SLC9C2: variants seen among roughly 807,000 people sequenced by gnomAD.
SLC9C2 encodes the protein solute carrier family 9 member C2 (putative).
SLC9C2 carries 75 observed loss-of-function variants against 140.2 expected under a neutral mutation model. The observed-to-expected ratio is 0.53, with a 90% CI of 0.44 to 0.65. The LOEUF is 0.65. SLC9C2 is among the 30% of genes least tolerant of loss of function. SLC9C2 has a pLI of 0.00. For missense variants in SLC9C2, 1,074 were observed against 1,331.8 expected, an observed-to-expected ratio of 0.81 and a Z score of 3.01; for synonymous variants, 375 against 420.9, an observed-to-expected ratio of 0.89 and a Z score of 1.34.
intron 22 of SLC9C2, among the ~76,000 whole-genome samples, chr1:173,517,986 C>G (rs1290879725): frequency 6.6e-6 from 1 of 152,184 alleles, no homozygotes; most frequent in Non-Finnish European, 1.5e-5. Flanking sequence ...CAGGGCTGGG[C>G]GCAGTGGCTC....
intron 8 of SLC9C2, among the ~76,000 whole-genome samples, chr1:173,576,053 CT>C (rs1262802516): frequency 6.6e-6 from 1 of 152,144 alleles, no homozygotes; most frequent in East Asian, 1.9e-4. Flanking sequence ...AGGATTACGG[CT>C]TATTTTTCTC....
At chr1:173,575,034 C>T (rs909827065) in intron 8 of SLC9C2, among the ~76,000 whole-genome samples, 2 of 151,930 alleles carry the variant, frequency 1.3e-5, no homozygotes, top group African/African-American at 2.4e-5. Context: ...GTGGGAGGAT[C>T]GCTTGAGCCC....
chr1:173,525,614 T>C (rs920272303), intron 19 of SLC9C2, among the ~76,000 whole-genome samples: 11 of 152,226 alleles, frequency 7.2e-5, no homozygotes, highest in Non-Finnish European at 1.3e-4. Flanking sequence ...TCTGTAATAA[T>C]AGTATTTGCC....
intron 7 of SLC9C2, 123 bp downstream of exon 7, chr1:173,581,724 T>G (rs1457353143): frequency 2.9e-6 from 2 of 691,164 alleles, no homozygotes; most frequent in Non-Finnish European, 4.4e-6. Context: ...TAAAATAATA[T>G]GACAGGACAC....
intron 4 of SLC9C2, among the ~76,000 whole-genome samples, chr1:173,591,658 G>C (rs1450606765): frequency 6.6e-6 from 1 of 152,036 alleles, no homozygotes; most frequent in Non-Finnish European, 1.5e-5. Flanking sequence ...ATGCTCGTTG[G>C]CTGCAAGTAT....
chr1:173,570,294 C>T (rs1558076687), intron 9 of SLC9C2, among the ~76,000 whole-genome samples: 4 of 152,250 alleles, frequency 2.6e-5, no homozygotes, highest in Non-Finnish European at 5.9e-5. Flanking sequence ...GGGTCCTTCC[C>T]TTCAAGACAG....
At chr1:173,563,666 G>A (rs12027862) in intron 9 of SLC9C2, among the ~76,000 whole-genome samples, 35,019 of 151,998 alleles carry the variant, frequency 0.23, 5,276 homozygotes, top group East Asian at 0.63. Flanking sequence ...ATGCTAAATC[G>A]GGTATCTATG....
At chr1:173,583,387 A>G in intron 6 of SLC9C2, 119 bp downstream of exon 6, 1 of 546,124 alleles carries the variant, frequency 1.8e-6, no homozygotes, top group Non-Finnish European at 3.3e-6. Flanking sequence ...TACTTCATAT[A>G]TCATTGTAAT....
In SLC9C2 at chr1:173,547,732, G is replaced by C. The variant is rs16846206; in HGVS notation, c.1514C>G (p.Ala505Gly). The C allele has an allele frequency of 0.23, 373,013 of 1,602,122 alleles. 51,371 individuals are homozygous for C. The highest frequency in any genetic ancestry group is 0.65 in the East Asian group (28,864 of 44,654). Residue 505 changes from alanine to glycine, a missense_variant, in exon 13 of 28, where the codon GCT becomes GGT. Transcript: ENST00000367714. The part of the protein sequence containing the change: ...DMKTESTTDE[A>G]LMEEARLHVA... Reference sequence around the variant, plus strand: ...ATGCAATCTGGCTTCCTCCATTAAAGCTTCATCTGTTGTGGATTCTGTCTT... The same window carrying C: ...ATGCAATCTGGCTTCCTCCATTAAACCTTCATCTGTTGTGGATTCTGTCTT...
chr1:173,592,712 G>A (rs1666233679), intron 4 of SLC9C2, among the ~76,000 whole-genome samples: 1 of 152,134 alleles, frequency 6.6e-6, no homozygotes. Context: ...TTCCTATCCT[G>A]CAACTTTGCT....
intron 17 of SLC9C2, among the ~76,000 whole-genome samples, chr1:173,531,735 A>T (rs1445193897): frequency 6.6e-6 from 1 of 152,188 alleles, no homozygotes; most frequent in Admixed American, 6.5e-5. Flanking sequence ...CAGCCCATAG[A>T]GCTGTCACTC....
At chr1:173,515,485 T>A (rs1660353238) in intron 23 of SLC9C2, among the ~76,000 whole-genome samples, 1 of 152,258 alleles carries the variant, frequency 6.6e-6, no homozygotes, top group African/African-American at 2.4e-5. Flanking sequence ...CATGAAGCGT[T>A]CATGCTGTGT....
chr1:173,570,104 G>A (rs1664749061), intron 9 of SLC9C2, among the ~76,000 whole-genome samples: 1 of 152,086 alleles, frequency 6.6e-6, no homozygotes, highest in South Asian at 2.1e-4. Context: ...AGAATGCCTA[G>A]GCCTGGACTT....
chr1:173,573,371 A>T (rs765078665), intron 8 of SLC9C2, 46 bp from the exon 9 acceptor site: 15 of 1,319,952 alleles, frequency 1.1e-5, no homozygotes, highest in Non-Finnish European at 1.6e-5. Context: ...ATCATCTTAA[A>T]AATATATTTT....
At chr1:173,524,713 T>C in intron 20 of SLC9C2, 66 bp downstream of exon 20, 1 of 1,557,966 alleles carries the variant, frequency 6.4e-7, no homozygotes, top group Non-Finnish European at 8.7e-7. Context: ...TCTCCCTCCT[T>C]ATTACACACT....
chr1:173,570,478 CT>C (rs1309779188), intron 9 of SLC9C2, among the ~76,000 whole-genome samples: 1 of 151,978 alleles, frequency 6.6e-6, no homozygotes, highest in Non-Finnish European at 1.5e-5. Context: ...GAAGAAGTCA[CT>C]TTCATTGTTC....
chr1:173,529,478 A>T (rs60055251), intron 18 of SLC9C2, among the ~76,000 whole-genome samples: 12,430 of 151,610 alleles, frequency 0.082, 1,690 homozygotes, highest in African/African-American at 0.29. Context: ...CACCCACCCC[A>T]CAGTACCAGG....
Position 173,554,681 on chromosome 1 carries a change from C to A in SLC9C2, c.1297+52G>T, listed in dbSNP as rs1007228408. 1.7e-5 allele frequency: 20 copies of A among 1,152,840 alleles called. No individual in the cohort carries two copies. The East Asian group carries it at 4.7e-4, about 27-fold the overall frequency. The allele number at this position is 1,152,840 out of a possible 1,614,324, so 71.4% of individuals were successfully genotyped here. On this transcript the variant is annotated intron_variant, in intron 11 of 27. Coordinates refer to ENST00000367714, the MANE Select transcript of SLC9C2 (RefSeq NM_178527.4). ...ATGTCCCCATGACACCCAACAATAACCTGTTTGTATTATTCTCCCCAGCTA... is the reference window on the plus strand; with the variant it reads ...ATGTCCCCATGACACCCAACAATAAACTGTTTGTATTATTCTCCCCAGCTA...
At chr1:173,568,188 C>T (rs572036532) in intron 9 of SLC9C2, among the ~76,000 whole-genome samples, 4 of 152,166 alleles carry the variant, frequency 2.6e-5, no homozygotes, top group Admixed American at 2.0e-4. Context: ...TAGGTAAACA[C>T]GTGTCACAGG....
Sources: allele counts gnomAD v4.1 joint callset (sites outside exome capture counted in the v4.1 genomes callset), GRCh38; gene constraint gnomAD v4.1.1; transcripts MANE v1.5; gene names NCBI Gene and HGNC (gene_info 2026-07-23, HGNC 2026-07-21).